Variants in COL9A1 observed in about 807,000 individuals in gnomAD.
The protein encoded by COL9A1 is collagen type IX alpha 1 chain, also known as collagen alpha-1(IX) chain.
In COL9A1, 104 loss-of-function variants were observed where a neutral mutation model predicts 142.6. The ratio of observed to expected loss-of-function variants is 0.73; its 90% CI spans 0.62 to 0.86. The LOEUF (loss-of-function observed/expected upper bound fraction) is 0.86, where lower values mean the gene tolerates loss of function less well. Among genes scored for constraint, COL9A1 ranks in the 40% least tolerant of loss-of-function variants. The pLI, the probability that COL9A1 is intolerant of heterozygous loss-of-function variation, is 0.00. For synonymous variants in COL9A1, 466 were observed against 396.0 expected (o/e 1.18, Z -2.10); for missense variants, 1,210 against 1,176.6 (o/e 1.03, Z -0.42).
chr6:70,280,808 T>G lies in COL9A1; in HGVS notation c.975+4A>C. On this transcript the variant is annotated splice_donor_region_variant and intron_variant, in intron 10 of 37. Transcript: ENST00000357250. ...GGGCGCCCTCCCAGCACTCGCCTAC[T>G]CACATCAGCGCCAGGTGTGCCAGGC... 6.2e-7 allele frequency: 1 copy of G among 1,611,900 alleles called. No individual in the cohort carries two copies. The highest frequency in any genetic ancestry group is 8.5e-7 in the Non-Finnish European group (1 of 1,179,334).
intron 12 of COL9A1, among the ~76,000 whole-genome samples, chr6:70,272,582 G>C (rs1045654919): frequency 6.6e-6 from 1 of 152,106 alleles, no homozygotes; most frequent in South Asian, 2.1e-4. Context: ...CTTTTGAAAG[G>C]TTGGGCTATA....
intron 10 of COL9A1, chr6:70,279,416 G>A (rs1772971300): frequency 6.6e-6 from 1 of 152,048 alleles, no homozygotes; most frequent in Non-Finnish European, 1.5e-5. Context: ...TCAAACTAGG[G>A]GCTTTGAAAT....
At chr6:70,217,226 TG>T in intron 37 of COL9A1, 145 bp from the exon 38 acceptor site, 1 of 715,720 alleles carries the variant, frequency 1.4e-6, no homozygotes, top group Non-Finnish European at 2.4e-6. Flanking sequence ...TGATTGGTGA[TG>T]ATGATGATGA....
intron 12 of COL9A1, 130 bp downstream of exon 12, chr6:70,273,917 T>A: frequency 2.3e-6 from 1 of 428,028 alleles, no homozygotes; most frequent in Non-Finnish European, 3.7e-6. Flanking sequence ...AAACTGCACA[T>A]GTACCCTAAA....
At chr6:70,298,612 A>T (rs960805368) in intron 4 of COL9A1, among the ~76,000 whole-genome samples, 1 of 152,190 alleles carries the variant, frequency 6.6e-6, no homozygotes, top group African/African-American at 2.4e-5. Flanking sequence ...AACAACGAAG[A>T]TGAGCAGGAG....
At chr6:70,283,913 A>C in intron 5 of COL9A1, 93 bp from the exon 6 acceptor site, 1 of 916,680 alleles carries the variant, frequency 1.1e-6, no homozygotes, top group Non-Finnish European at 1.8e-6. Flanking sequence ...ATTGTTAAAT[A>C]ATTGGAAATC....
Position 70,302,980 on chromosome 6 carries a change from G to T in COL9A1, c.-56C>A. 1 of 1,576,754 alleles carries T rather than the reference G, an allele frequency of 6.3e-7. No individual in the cohort carries two copies. Among genetic ancestry groups the T allele is most frequent in the South Asian group, 1.1e-5 (1 of 90,344 alleles). ...AGTCCCTATGAAGAAGGGGTTGGAA[G>T]GGAGTCACTGTCCCCTCACGACCCC... On this transcript the variant is annotated 5_prime_UTR_variant, in exon 1 of 38. Transcript: ENST00000357250.
At chr6:70,296,426 GA>G (rs1285546746) in intron 4 of COL9A1, among the ~76,000 whole-genome samples, 1 of 151,918 alleles carries the variant, frequency 6.6e-6, no homozygotes, top group Admixed American at 6.6e-5. Context: ...TGGAGCTACA[GA>G]AAAAAATTAT....
intron 21 of COL9A1, among the ~76,000 whole-genome samples, chr6:70,256,522 C>A (rs1254178816): frequency 6.6e-6 from 1 of 151,886 alleles, no homozygotes; most frequent in East Asian, 1.9e-4. Context: ...AAGGAAAACA[C>A]GCAAACATAA....
intron 4 of COL9A1, among the ~76,000 whole-genome samples, chr6:70,296,235 T>C (rs1245956533): frequency 6.6e-6 from 1 of 152,220 alleles, no homozygotes. Context: ...TCTTTCATCA[T>C]AGAAGTATTT....
At chr6:70,246,116 C>T (rs1273171323) in intron 28 of COL9A1, 2 of 152,160 alleles carry the variant, frequency 1.3e-5, no homozygotes, top group African/African-American at 2.4e-5. Context: ...CCTTATAATC[C>T]CAGCACTTTA....
chr6:70,264,130 A>T (rs1051982098), intron 18 of COL9A1, among the ~76,000 whole-genome samples: 3 of 151,984 alleles, frequency 2.0e-5, no homozygotes, highest in African/African-American at 7.2e-5. Flanking sequence ...CATGTTAATT[A>T]CTGAAATTCT....
intron 7 of COL9A1, 140 bp from the exon 8 acceptor site, chr6:70,281,604 A>G (rs1484247059): frequency 1.6e-6 from 1 of 620,644 alleles, no homozygotes; most frequent in Admixed American, 3.0e-5. Flanking sequence ...CAACGCAAAA[A>G]TGTCTCAGAC....
At chr6:70,271,105 T>C (rs138139745) in intron 14 of COL9A1, among the ~76,000 whole-genome samples, 31 of 152,362 alleles carry the variant, frequency 2.0e-4, no homozygotes, top group African/African-American at 7.5e-4. Context: ...ACAAGGTATA[T>C]GATACATGGC....
intron 25 of COL9A1, 56 bp downstream of exon 25, chr6:70,254,420 T>A: frequency 6.6e-7 from 1 of 1,526,000 alleles, no homozygotes; most frequent in Non-Finnish European, 9.1e-7. Flanking sequence ...CCCCAAAATG[T>A]ATATCTTTAA....
At chr6:70,285,660 C>T (rs563742940) in intron 5 of COL9A1, among the ~76,000 whole-genome samples, 54 of 152,296 alleles carry the variant, frequency 3.5e-4, no homozygotes, top group South Asian at 2.1e-3. Flanking sequence ...AGATATTCCC[C>T]TCTCCACACT....
At chr6:70,290,097 AAAG>A (rs1398972309) in intron 5 of COL9A1, among the ~76,000 whole-genome samples, 1 of 152,124 alleles carries the variant, frequency 6.6e-6, no homozygotes, top group Non-Finnish European at 1.5e-5. Context: ...GCTCAGGTAA[AAAG>A]AAGGATGGTT....
At chr6:70,265,885 C>T (rs1193374705) in intron 18 of COL9A1, among the ~76,000 whole-genome samples, 1 of 152,060 alleles carries the variant, frequency 6.6e-6, no homozygotes, top group African/African-American at 2.4e-5. Flanking sequence ...GATAAATTGC[C>T]TCTTGAGTTC....
chr6:70,282,969 A>T (rs1655940005), intron 6 of COL9A1, 51 bp from the exon 7 acceptor site: 4 of 1,614,090 alleles, frequency 2.5e-6, no homozygotes, highest in Non-Finnish European at 3.4e-6. Flanking sequence ...CTCAAACTCG[A>T]TCGCAACTTA....
Sources: gnomAD v4.1 joint callset for allele counts (sites outside exome capture counted in the v4.1 genomes callset) on GRCh38, gnomAD v4.1.1 for gene constraint, MANE v1.5 for transcripts, NCBI Gene and HGNC (gene_info 2026-07-23, HGNC 2026-07-21) for gene names.